IGF2R: variants seen among roughly 807,000 people sequenced by gnomAD.
IGF2R encodes the protein cation-independent mannose-6-phosphate receptor.
A neutral mutation model predicts 270.6 loss-of-function variants in IGF2R; 91 were observed. The ratio of observed to expected loss-of-function variants is 0.34; its 90% CI spans 0.28 to 0.40. IGF2R has a LOEUF of 0.40. Ranked by LOEUF, IGF2R falls within the 10% of genes least tolerant of loss-of-function variation. The probability of loss-of-function intolerance (pLI) is 1.00; values close to 1 mark genes in which losing one functional copy is unlikely to be tolerated. For missense variants in IGF2R, 2,805 were observed against 3,188.3 expected (o/e 0.88, Z 2.90); for synonymous variants, 1,316 against 1,258.9 (o/e 1.05, Z -0.96).
intron 4 of IGF2R, among the ~76,000 whole-genome samples, chr6:160,023,032 A>G (rs1157896047): frequency 6.6e-6 from 1 of 152,140 alleles, no homozygotes; most frequent in African/African-American, 2.4e-5. Context: ...TGTAATGGGA[A>G]GCTGCTTTGA....
At chr6:160,018,149 A>C (rs1188068208) in intron 4 of IGF2R, among the ~76,000 whole-genome samples, 1 of 152,172 alleles carries the variant, frequency 6.6e-6, no homozygotes, top group Non-Finnish European at 1.5e-5. Flanking sequence ...CATACACTGA[A>C]GCTAAAGGGA....
chr6:159,977,805 A>G (rs1297581528), intron 1 of IGF2R, among the ~76,000 whole-genome samples: 2 of 150,392 alleles, frequency 1.3e-5, no homozygotes, highest in African/African-American at 5.0e-5. Context: ...GATGCTAACC[A>G]TGTTTGTAGG....
intron 3 of IGF2R, among the ~76,000 whole-genome samples, chr6:160,009,952 G>C (rs993765574): frequency 6.6e-6 from 1 of 151,288 alleles, no homozygotes; most frequent in African/African-American, 2.4e-5. Context: ...TTTTGGATCC[G>C]CATATAAATT....
chr6:159,977,248 A>G (rs1023319813), intron 1 of IGF2R, among the ~76,000 whole-genome samples: 1 of 152,092 alleles, frequency 6.6e-6, no homozygotes, highest in Non-Finnish European at 1.5e-5. Context: ...TGAGTTTGTC[A>G]CCATGATTGC....
chr6:160,063,355 T>A, intron 26 of IGF2R, 60 bp from the exon 27 acceptor site: 1 of 1,361,074 alleles, frequency 7.3e-7, no homozygotes, highest in Non-Finnish European at 1.0e-6. Flanking sequence ...AGCTTTTTGC[T>A]TGAAAATGTG....
At position 160,103,743 on chromosome 6, in the gene IGF2R, TAGGGA is replaced by T; in HGVS notation, c.6996-1_6999del. On this transcript the variant is annotated splice_acceptor_variant and coding_sequence_variant, in exon 47 of 48. Coordinates refer to ENST00000356956, the MANE Select transcript of IGF2R (RefSeq NM_000876.4). LOFTEE classifies it high-confidence loss of function. ...GTAATTATTGTCTCCTTTTTTTTTA[TAGGGA>T]AACAGTGATAAGTAAGCTGACCACT... 6.2e-7 allele frequency: 1 copy of T among 1,603,418 alleles called. No homozygotes were observed. Among genetic ancestry groups the T allele is most frequent in the Admixed American group, 1.7e-5 (1 of 59,990 alleles).
At chr6:160,021,371 C>A (rs1012287978) in intron 4 of IGF2R, among the ~76,000 whole-genome samples, 1 of 143,642 alleles carries the variant, frequency 7.0e-6, no homozygotes, top group African/African-American at 2.6e-5. Flanking sequence ...TATGTTCTCA[C>A]TCATAGGTGG....
At chr6:160,027,418 C>T in intron 6 of IGF2R, 104 bp downstream of exon 6, 1 of 1,304,642 alleles carries the variant, frequency 7.7e-7, no homozygotes, top group Non-Finnish European at 1.0e-6. Context: ...TTGGGATAGT[C>T]CCTGCAGCAT....
At chr6:159,978,871 G>T (rs1489025157) in intron 1 of IGF2R, among the ~76,000 whole-genome samples, 2 of 152,088 alleles carry the variant, frequency 1.3e-5, no homozygotes, top group Admixed American at 1.3e-4. Flanking sequence ...TCGATCCCCT[G>T]GGGGCAACCA....
In IGF2R at chr6:160,050,375, T is replaced by C; in HGVS notation, c.2515-98T>C. ...GAGCAGTGGTTCTGTATTCAATAAT[T>C]CATTGTTTGCTGCAGCTTTATAGAA... On this transcript the variant is annotated intron_variant, in intron 18 of 47. Coordinates refer to ENST00000356956, the MANE Select transcript of IGF2R (RefSeq NM_000876.4). The surrounding 1 kb of genome is among the most constrained non-coding windows in gnomAD (Gnocchi z 4.0). The C allele has an allele frequency of 8.3e-7, 1 of 1,208,280 alleles. No homozygotes were observed. Among genetic ancestry groups the C allele is most frequent in the Non-Finnish European group, 1.2e-6 (1 of 849,130 alleles). 74.8% of individuals were successfully genotyped at this position (1,208,280 alleles called of 1,614,324 possible).
chr6:159,997,120 T>C (rs1302473292), intron 2 of IGF2R, among the ~76,000 whole-genome samples: 1 of 152,084 alleles, frequency 6.6e-6, no homozygotes, highest in Non-Finnish European at 1.5e-5. Context: ...AGCACCCCTG[T>C]CTCCACTGCA....
At chr6:160,104,596 T>C in intron 47 of IGF2R, 78 bp from the exon 48 acceptor site, 1 of 1,468,488 alleles carries the variant, frequency 6.8e-7, no homozygotes, top group Non-Finnish European at 9.3e-7. Context: ...GCAGAGAGCA[T>C]CCCTGATGTG....
chr6:160,088,263 C>T (rs1052379388), intron 42 of IGF2R, 116 bp downstream of exon 42: 8 of 711,990 alleles, frequency 1.1e-5, no homozygotes, highest in Admixed American at 4.1e-5. Flanking sequence ...GGGCCAGAGC[C>T]GCTGATTGTG....
intron 9 of IGF2R, 86 bp downstream of exon 9, chr6:160,033,193 G>C: frequency 1.1e-6 from 1 of 912,406 alleles, no homozygotes; most frequent in Non-Finnish European, 1.7e-6. Context: ...CTAGACTGCA[G>C]TGGTGCAATC....
chr6:160,001,508 G>T (rs865782832), intron 2 of IGF2R, among the ~76,000 whole-genome samples: 1 of 151,988 alleles, frequency 6.6e-6, no homozygotes, highest in Non-Finnish European at 1.5e-5. Flanking sequence ...GAATCATCCC[G>T]AAACCATCCC....
chr6:159,972,279 G>A (rs903917785), intron 1 of IGF2R, among the ~76,000 whole-genome samples: 1 of 152,162 alleles, frequency 6.6e-6, no homozygotes, highest in African/African-American at 2.4e-5. Context: ...GTCCCCGTTT[G>A]TTTTTGCTGC....
rs370651371 is a variant in IGF2R, at chr6:160,060,145, G to C, written c.3092-402G>C. On this transcript the variant is annotated intron_variant, in intron 22 of 47. Transcript: ENST00000356956. Reference sequence around the variant, plus strand: ...ACCGTTGCAGTGAGTGTGTAAACCTGTCATCACATAGGCCACCATTGGAGC... The same window carrying C: ...ACCGTTGCAGTGAGTGTGTAAACCTCTCATCACATAGGCCACCATTGGAGC... Among the ~76,000 whole-genome samples, 4 of 152,206 alleles carry C rather than the reference G, an allele frequency of 2.6e-5. No homozygotes were observed. The East Asian group carries it at 7.7e-4, about 29-fold the overall frequency.
intron 45 of IGF2R, among the ~76,000 whole-genome samples, chr6:160,097,405 G>A (rs1240196823): frequency 7.2e-5 from 11 of 152,080 alleles, no homozygotes; most frequent in African/African-American, 2.7e-4. Context: ...GTCTTGGCTC[G>A]TTGCAACCTC....
In IGF2R at chr6:160,056,525, G is replaced by A; in HGVS notation, c.2796G>A (p.Gln932=). Residue 932 remains glutamine (Q), a splice_region_variant and synonymous_variant, in exon 20 of 48, where the codon CAG becomes CAA. Transcript: ENST00000356956. The part of the protein sequence containing the change: ...CPIQTTTDTD[Q]ACSIRDPNSG... The stretch of plus-strand genomic sequence containing the variant: ...TTCAGACAACGACGGATACAGACCA[G>A]GTACGTGTGCTTTCACCTGGCCCTC... 2 of 1,604,446 alleles carry A rather than the reference G, an allele frequency of 1.2e-6. No homozygotes were observed. The highest frequency in any genetic ancestry group is 2.2e-5 in the South Asian group (2 of 90,904).
Sources: gnomAD v4.1 joint callset for allele counts (sites outside exome capture counted in the v4.1 genomes callset) on GRCh38, gnomAD v4.1.1 for gene constraint, Gnocchi (gnomAD v3.1) non-coding constraint, MANE v1.5 for transcripts, NCBI Gene and HGNC (gene_info 2026-07-23, HGNC 2026-07-21) for gene names.